Variants in CCDC191 observed in about 807,000 individuals in gnomAD.
CCDC191 encodes coiled-coil domain-containing protein 191.
A neutral mutation model predicts 114.0 loss-of-function variants in CCDC191; 99 were observed. The ratio of observed to expected loss-of-function variants is 0.87; its 90% CI spans 0.74 to 1.03. The LOEUF (loss-of-function observed/expected upper bound fraction) is 1.03, where lower values mean the gene tolerates loss of function less well. Among genes scored for constraint, CCDC191 ranks in the 50% least tolerant of loss-of-function variants. The pLI is 0.00. For missense variants in CCDC191, 973 were observed against 1,087.0 expected, an observed-to-expected ratio of 0.90 and a Z score of 1.47; for synonymous variants, 351 against 376.0, an observed-to-expected ratio of 0.93 and a Z score of 0.77.
At chr3:113,992,262 G>A (rs1423045954) in intron 13 of CCDC191, among the ~76,000 whole-genome samples, 1 of 152,144 alleles carries the variant, frequency 6.6e-6, no homozygotes, top group Non-Finnish European at 1.5e-5. Flanking sequence ...TTCCTCCCAC[G>A]GAGGAAAGTG....
intron 9 of CCDC191, among the ~76,000 whole-genome samples, chr3:114,009,089 A>G (rs545345849): frequency 1.3e-4 from 20 of 152,288 alleles, no homozygotes; most frequent in Non-Finnish European, 4.4e-5. Context: ...AGTATACAAG[A>G]TAAAAAATGG....
chr3:114,017,282 C>A (rs1334471204), intron 8 of CCDC191, among the ~76,000 whole-genome samples: 1 of 152,140 alleles, frequency 6.6e-6, no homozygotes, highest in Non-Finnish European at 1.5e-5. Context: ...TCCTATTGAC[C>A]ATGAAAAGCT....
intron 1 of CCDC191, among the ~76,000 whole-genome samples, chr3:114,055,101 C>CTA (rs1197447352): frequency 1.3e-5 from 2 of 152,130 alleles, no homozygotes; most frequent in Non-Finnish European, 2.9e-5. Flanking sequence ...TTTCACTTAC[C>CTA]TAACACTTTA....
chr3:113,999,386 C>A (rs974095244), intron 13 of CCDC191, among the ~76,000 whole-genome samples: 2 of 152,154 alleles, frequency 1.3e-5, no homozygotes, highest in Non-Finnish European at 2.9e-5. Context: ...ATGAGGCTAG[C>A]TTGGGGTGAC....
intron 13 of CCDC191, among the ~76,000 whole-genome samples, chr3:113,984,885 G>T (rs780132177): frequency 6.6e-4 from 101 of 152,334 alleles, no homozygotes; most frequent in Non-Finnish European, 8.8e-4. Context: ...AGCTGGTCAT[G>T]CAACAAATTA....
chr3:113,986,553 CAAAG>C (rs1261601719), intron 13 of CCDC191, among the ~76,000 whole-genome samples: 3 of 152,056 alleles, frequency 2.0e-5, no homozygotes, highest in African/African-American at 7.2e-5. Context: ...AAATCAAAGA[CAAAG>C]AAAAAGTCTT....
intron 2 of CCDC191, among the ~76,000 whole-genome samples, chr3:114,047,994 A>C (rs187978835): frequency 6.6e-6 from 1 of 152,188 alleles, no homozygotes; most frequent in East Asian, 1.9e-4. Flanking sequence ...AAAATGTTAA[A>C]ACTTATTTTA....
intron 9 of CCDC191, among the ~76,000 whole-genome samples, chr3:114,009,946 G>T (rs1461959606): frequency 6.6e-6 from 1 of 152,034 alleles, no homozygotes; most frequent in Non-Finnish European, 1.5e-5. Context: ...TTAGACAGGG[G>T]ATATGTATTA....
chr3:114,056,339 G>C, intron 1 of CCDC191, 38 bp downstream of exon 1: 1 of 1,603,322 alleles, frequency 6.2e-7, no homozygotes, highest in South Asian at 1.1e-5. Flanking sequence ...CGCGCCTTGG[G>C]AAAGTCCCCG....
Position 114,034,814 on chromosome 3 carries a change from T to G in CCDC191, c.818+111A>C, listed in dbSNP as rs560996935. 9 of 866,456 alleles carry G rather than the reference T, an allele frequency of 1.0e-5. No homozygotes were observed. In the South Asian group the frequency reaches 1.5e-4, roughly 15 times the overall value. The allele number at this position is 866,456 out of a possible 1,614,324, so 53.7% of individuals were successfully genotyped here. On this transcript the variant is annotated intron_variant, in intron 6 of 16. Transcript: ENST00000295878. Reference sequence around the variant, plus strand: ...TTAAGATGGTGGAATAGTGAGTGATTTCTCTTCTATGTTTTGTTATTGAAT... The same window carrying G: ...TTAAGATGGTGGAATAGTGAGTGATGTCTCTTCTATGTTTTGTTATTGAAT...
At chr3:114,010,064 A>C (rs1237613441) in intron 9 of CCDC191, among the ~76,000 whole-genome samples, 2 of 152,214 alleles carry the variant, frequency 1.3e-5, no homozygotes, top group African/African-American at 4.8e-5. Context: ...CTATTGCAGA[A>C]GTGTATGTAA....
At chr3:114,043,256 T>C (rs2076587149) in intron 3 of CCDC191, among the ~76,000 whole-genome samples, 1 of 152,058 alleles carries the variant, frequency 6.6e-6, no homozygotes, top group South Asian at 2.1e-4. Flanking sequence ...GTATCTACAG[T>C]GTTGGAAAAA....
At chr3:113,974,461 A>G (rs1941126071) in intron 16 of CCDC191, among the ~76,000 whole-genome samples, 1 of 152,040 alleles carries the variant, frequency 6.6e-6, no homozygotes, top group Non-Finnish European at 1.5e-5. Context: ...GTGGGACTAC[A>G]GATGCACACC....
chr3:114,045,985 G>A (rs577088359), intron 3 of CCDC191, among the ~76,000 whole-genome samples: 1 of 152,268 alleles, frequency 6.6e-6, no homozygotes, highest in East Asian at 1.9e-4. Flanking sequence ...TATGTGTGTT[G>A]AATAAATGAA....
intron 8 of CCDC191, among the ~76,000 whole-genome samples, chr3:114,016,856 C>T (rs1418615674): frequency 6.6e-6 from 1 of 152,212 alleles, no homozygotes; most frequent in African/African-American, 2.4e-5. Context: ...CCTGCACTCA[C>T]ATTGCATCCA....
chr3:114,018,628 G>T, intron 8 of CCDC191, 50 bp downstream of exon 8: 5 of 1,421,592 alleles, frequency 3.5e-6, no homozygotes, highest in Non-Finnish European at 4.8e-6. Flanking sequence ...CTTCAGGAGG[G>T]AAATATCCTA....
intron 4 of CCDC191, among the ~76,000 whole-genome samples, chr3:114,038,997 C>T (rs536426999): frequency 5.3e-5 from 8 of 151,828 alleles, no homozygotes; most frequent in African/African-American, 1.5e-4. Context: ...TGTAACAAAC[C>T]GGTACATCCT....
intron 2 of CCDC191, among the ~76,000 whole-genome samples, chr3:114,048,519 A>G (rs1258755724): frequency 6.6e-6 from 1 of 152,024 alleles, no homozygotes; most frequent in Non-Finnish European, 1.5e-5. Flanking sequence ...TTCCTCCTCA[A>G]ATATGCTCAG....
chr3:114,002,280 T>A (rs1457638834), intron 12 of CCDC191, among the ~76,000 whole-genome samples, 176 bp downstream of exon 12: 1 of 152,184 alleles, frequency 6.6e-6, no homozygotes, highest in Non-Finnish European at 1.5e-5. Flanking sequence ...GATGTTTCTG[T>A]CCCCCTTATT....
Sources: gnomAD v4.1 joint callset for allele counts (sites outside exome capture counted in the v4.1 genomes callset) on GRCh38, gnomAD v4.1.1 for gene constraint, MANE v1.5 for transcripts, NCBI Gene and HGNC (gene_info 2026-07-23, HGNC 2026-07-21) for gene names.